RIMKLB: variants seen among roughly 807,000 people sequenced by gnomAD.
RIMKLB encodes the protein ribosomal modification protein rimK like family member B, also known as beta-citrylglutamate synthase B.
Under a neutral mutation model 32.0 loss-of-function variants are expected in RIMKLB, and 7 were observed. That is an observed-to-expected ratio of 0.22 (90% CI 0.12 to 0.41). RIMKLB has a LOEUF of 0.41. Ranked by LOEUF, RIMKLB falls within the 10% of genes least tolerant of loss-of-function variation. The probability of loss-of-function intolerance (pLI) is 1.00; values close to 1 mark genes in which losing one functional copy is unlikely to be tolerated. For synonymous variants in RIMKLB, 172 were observed against 185.1 expected, an observed-to-expected ratio of 0.93 and a Z score of 0.57; for missense variants, 289 against 498.7, an observed-to-expected ratio of 0.58 and a Z score of 4.00.
upstream of RIMKLB, among the ~76,000 whole-genome samples, chr12:8,696,723 C>G (rs921044170): frequency 3.3e-5 from 5 of 152,150 alleles, no homozygotes; most frequent in African/African-American, 9.7e-5. Flanking sequence ...TTAAAGGACT[C>G]TCGAGACGCT....
rs146575549 is a variant in RIMKLB, at chr12:8,709,612, C to A, written c.-56-4199C>A. Among the ~76,000 whole-genome samples the A allele has an allele frequency of 4.7e-3, 713 of 152,310 alleles. 5 individuals carry two copies. The highest frequency in any genetic ancestry group is 0.016 in the African/African-American group (683 of 41,576). ...CCTTGGGGAGGCCCCATCGCTTGGGCACCGAGGAAGGCTAGCCGCATGTCC... is the reference window on the plus strand; with the variant it reads ...CCTTGGGGAGGCCCCATCGCTTGGGAACCGAGGAAGGCTAGCCGCATGTCC... On this transcript the variant is annotated intron_variant, in intron 1 of 5. Transcript: ENST00000535829.
chr12:8,711,967 G>A (rs1050338964), intron 1 of RIMKLB, among the ~76,000 whole-genome samples: 7 of 152,092 alleles, frequency 4.6e-5, no homozygotes, highest in Non-Finnish European at 1.0e-4. Flanking sequence ...TGACAGTGCA[G>A]GTTTGCACTG....
At chr12:8,756,684 CTTTTTT>C (rs145312687) in intron 5 of RIMKLB, among the ~76,000 whole-genome samples, 23 of 90,986 alleles carry the variant, frequency 2.5e-4, no homozygotes, top group South Asian at 2.3e-3. Flanking sequence ...TTACTTTCTA[CTTTTTT>C]TTTTTTTTTT....
chr12:8,714,286 C>T (rs1223721489), intron 2 of RIMKLB: 8 of 345,826 alleles, frequency 2.3e-5, no homozygotes, highest in East Asian at 1.1e-4. Context: ...ACAAAGTAGG[C>T]GCATATCTGT....
intron 5 of RIMKLB, among the ~76,000 whole-genome samples, chr12:8,756,411 G>T (rs968503856): frequency 3.9e-5 from 6 of 152,046 alleles, no homozygotes; most frequent in Non-Finnish European, 8.8e-5. Flanking sequence ...ATCTCTCTGA[G>T]ATCTATAATC....
chr12:8,714,795 T>A (rs960768439), intron 2 of RIMKLB, among the ~76,000 whole-genome samples: 1 of 152,204 alleles, frequency 6.6e-6, no homozygotes, highest in Non-Finnish European at 1.5e-5. Flanking sequence ...TTATATGGTG[T>A]CATATAAATG....
intron 2 of RIMKLB, among the ~76,000 whole-genome samples, chr12:8,741,494 G>A (rs1192164529): frequency 6.6e-6 from 1 of 151,606 alleles, no homozygotes; most frequent in African/African-American, 2.4e-5. Flanking sequence ...AAAACTAACT[G>A]TTGGGGCTGG....
At chr12:8,706,444 CTTTTTT>C (rs1199005342) in intron 1 of RIMKLB, among the ~76,000 whole-genome samples, 3 of 95,224 alleles carry the variant, frequency 3.2e-5, no homozygotes, top group South Asian at 3.4e-4. Context: ...CACGCCTGGA[CTTTTTT>C]TTTTTTTTTT....
At chr12:8,778,479 T>G (rs1303129422), downstream of RIMKLB, among the ~76,000 whole-genome samples, 2 of 152,202 alleles carry the variant, frequency 1.3e-5, no homozygotes, top group Non-Finnish European at 2.9e-5. Flanking sequence ...AAAATCATGG[T>G]TTAAACCTTC....
At chr12:8,678,366 C>T (rs900107806), upstream of RIMKLB, among the ~76,000 whole-genome samples, 2 of 150,424 alleles carry the variant, frequency 1.3e-5, no homozygotes, top group Non-Finnish European at 3.0e-5. Context: ...GTTTCGCTCT[C>T]GTTGCCCAGG....
chr12:8,696,041 C>T (rs1198129265), upstream of RIMKLB, among the ~76,000 whole-genome samples: 1 of 152,224 alleles, frequency 6.6e-6, no homozygotes, highest in East Asian at 1.9e-4. Context: ...AATAGTCATA[C>T]TTCCTATCCT....
upstream of RIMKLB, among the ~76,000 whole-genome samples, chr12:8,680,988 C>CTTTTT (rs149951264): frequency 1.4e-5 from 2 of 145,666 alleles, no homozygotes; most frequent in African/African-American, 5.0e-5. Context: ...CAGGTCTGGT[C>CTTTTT]TTTTTTTTTT....
Position 8,698,189 on chromosome 12 carries a change from TC to T in RIMKLB, c.-160del, listed in dbSNP as rs1293129578. 9.0e-6 allele frequency: 3 copies of T among 332,128 alleles called. No individual in the cohort carries two copies. Among genetic ancestry groups the T allele is most frequent in the Non-Finnish European group, 1.8e-5 (3 of 162,328 alleles). 20.6% of individuals were successfully genotyped at this position (332,128 alleles called of 1,614,324 possible). ...GGCGGCTCCCGGTATCCCGACCCCC[TC>T]CCCCTCCTCTCCTTCCCCCACTTCC... On this transcript the variant is annotated 5_prime_UTR_variant, in exon 1 of 6. Transcript: ENST00000535829.
intron 2 of RIMKLB, among the ~76,000 whole-genome samples, chr12:8,722,848 C>A (rs111818380): frequency 0.025 from 3,765 of 152,326 alleles, 146 homozygotes; most frequent in African/African-American, 0.085. Flanking sequence ...TCCCATGAAC[C>A]AAACTCTGTT....
intron 2 of RIMKLB, among the ~76,000 whole-genome samples, chr12:8,720,433 G>A (rs532182296): frequency 5.9e-5 from 9 of 152,188 alleles, no homozygotes; most frequent in Middle Eastern, 6.8e-3. Context: ...GTAAATAAAG[G>A]GTCTCTGTTC....
intron 2 of RIMKLB, among the ~76,000 whole-genome samples, chr12:8,739,898 G>T (rs1947341731): frequency 6.6e-6 from 1 of 152,074 alleles, no homozygotes; most frequent in South Asian, 2.1e-4. Flanking sequence ...AATGATGACT[G>T]ATGTATTTAT....
chr12:8,738,922 G>A (rs1481217590), intron 2 of RIMKLB, among the ~76,000 whole-genome samples: 1 of 152,186 alleles, frequency 6.6e-6, no homozygotes, highest in Non-Finnish European at 1.5e-5. Flanking sequence ...TTTGTGTGTG[G>A]TAAGACAGAC....
chr12:8,696,602 A>G (rs1165390404), upstream of RIMKLB, among the ~76,000 whole-genome samples: 1 of 152,214 alleles, frequency 6.6e-6, no homozygotes, highest in African/African-American at 2.4e-5. Flanking sequence ...TCAGCAGATA[A>G]AGATACAGAG....
chr12:8,697,985 G>C (rs1168357563), upstream of RIMKLB: 1 of 160,338 alleles, frequency 6.2e-6, no homozygotes, highest in Non-Finnish European at 1.4e-5. Flanking sequence ...GGGGTCGCGC[G>C]CGCGCGCGGC....
Sources: gnomAD v4.1 joint callset for allele counts (sites outside exome capture counted in the v4.1 genomes callset) on GRCh38, gnomAD v4.1.1 for gene constraint, MANE v1.5 for transcripts, NCBI Gene and HGNC (gene_info 2026-07-23, HGNC 2026-07-21) for gene names.